Variants in ART3 observed in about 807,000 individuals in gnomAD.
The protein encoded by ART3 is ADP-ribosyltransferase 3 (inactive), also known as ecto-ADP-ribosyltransferase 3.
Under a neutral mutation model 48.5 loss-of-function variants are expected in ART3, and 49 were observed. That is an observed-to-expected ratio of 1.01 (90% confidence interval 0.80 to 1.28). The LOEUF (loss-of-function observed/expected upper bound fraction) is 1.28, where lower values mean the gene tolerates loss of function less well. ART3 is among the 50% of genes most tolerant of loss of function. The probability of loss-of-function intolerance (pLI) is 0.00; values close to 1 mark genes in which losing one functional copy is unlikely to be tolerated. For synonymous variants in ART3, 145 were observed against 157.2 expected (o/e 0.92, Z 0.58); for missense variants, 438 against 454.3 (o/e 0.96, Z 0.33).
chr4:76,033,123 G>A (rs1012310295), intron 1 of ART3, among the ~76,000 whole-genome samples: 5 of 152,094 alleles, frequency 3.3e-5, no homozygotes, highest in African/African-American at 1.2e-4. Context: ...TACATGCAGA[G>A]AAACCAACTC....
chr4:76,047,217 C>T (rs1394040439), intron 1 of ART3, among the ~76,000 whole-genome samples: 2 of 151,998 alleles, frequency 1.3e-5, no homozygotes, highest in Non-Finnish European at 2.9e-5. Context: ...GATTGGCCTG[C>T]TCCATTTTCT....
At chr4:76,061,801 C>A (rs1719240209) in intron 1 of ART3, among the ~76,000 whole-genome samples, 1 of 152,168 alleles carries the variant, frequency 6.6e-6, no homozygotes, top group African/African-American at 2.4e-5. Context: ...TTCCCTAACT[C>A]CTACTTCTTT....
intron 1 of ART3, among the ~76,000 whole-genome samples, chr4:76,040,708 A>G (rs1734901293): frequency 6.6e-6 from 1 of 152,096 alleles, no homozygotes; most frequent in Admixed American, 6.5e-5. Flanking sequence ...ATGTAGACAC[A>G]TCTTTGTCTG....
chr4:76,031,197 A>G (rs1733841740), intron 1 of ART3, among the ~76,000 whole-genome samples: 1 of 152,062 alleles, frequency 6.6e-6, no homozygotes, highest in Non-Finnish European at 1.5e-5. Context: ...GAATATTAGT[A>G]TTTTTTCATT....
intron 1 of ART3, among the ~76,000 whole-genome samples, chr4:76,032,939 A>G (rs1219612045): frequency 3.3e-5 from 5 of 151,940 alleles, no homozygotes; most frequent in African/African-American, 9.7e-5. Context: ...CCATCTCTAT[A>G]TAGATATTTA....
At chr4:76,031,518 A>G (rs761448854) in intron 1 of ART3, among the ~76,000 whole-genome samples, 5 of 152,202 alleles carry the variant, frequency 3.3e-5, no homozygotes, top group Non-Finnish European at 7.3e-5. Flanking sequence ...ATATTTTCCA[A>G]TGACTTTGAT....
chr4:76,038,240 A>G (rs954841412), intron 1 of ART3, among the ~76,000 whole-genome samples: 1 of 152,198 alleles, frequency 6.6e-6, no homozygotes. Flanking sequence ...CTTAACTTTT[A>G]TTACAGAATA....
upstream of ART3, among the ~76,000 whole-genome samples, chr4:76,071,237 C>T (rs1022271505): frequency 6.6e-6 from 1 of 151,976 alleles, no homozygotes; most frequent in Non-Finnish European, 1.5e-5. Flanking sequence ...ACTCTGGAAT[C>T]TGAGGCAGGA....
At chr4:76,032,581 CTTT>C (rs10547155) in intron 1 of ART3, among the ~76,000 whole-genome samples, 64,206 of 113,528 alleles carry the variant, frequency 0.57, 17,145 homozygotes, top group East Asian at 0.89. Context: ...AGATTCAAGT[CTTT>C]TTTTTTTTTT....
At chr4:76,051,298 G>A (rs1347994179) in intron 1 of ART3, among the ~76,000 whole-genome samples, 1 of 97,562 alleles carries the variant, frequency 1.0e-5, no homozygotes, top group Non-Finnish European at 2.1e-5. Flanking sequence ...AGCTGCCGGT[G>A]GATTTTTTTT....
chr4:76,040,527 C>T (rs1382984247), intron 1 of ART3, among the ~76,000 whole-genome samples: 3 of 88,046 alleles, frequency 3.4e-5, no homozygotes, highest in Admixed American at 1.5e-4. Context: ...TTCTCCCCCC[C>T]GCCCCCTCCA....
chr4:76,100,857 C>G, intron 7 of ART3, 33 bp downstream of exon 7: 1 of 1,608,340 alleles, frequency 6.2e-7, no homozygotes. Context: ...TGGGGGCTTA[C>G]ATTTTACAAG....
At chr4:76,032,915 T>C (rs916059639) in intron 1 of ART3, among the ~76,000 whole-genome samples, 4 of 152,038 alleles carry the variant, frequency 2.6e-5, no homozygotes. Flanking sequence ...ATCCAGGGAA[T>C]TTATATGGAA....
intron 1 of ART3, among the ~76,000 whole-genome samples, chr4:76,037,850 C>A (rs1051968589): frequency 8.6e-5 from 13 of 152,044 alleles, no homozygotes; most frequent in Middle Eastern, 3.4e-3. Flanking sequence ...TTGGTATAAT[C>A]GGGGAATTTA....
intron 10 of ART3, among the ~76,000 whole-genome samples, chr4:76,106,671 A>G (rs1023233577): frequency 6.6e-6 from 1 of 152,148 alleles, no homozygotes; most frequent in South Asian, 2.1e-4. Context: ...GTGCTTATTA[A>G]GGCCCACTGT....
At chr4:76,058,512 G>A (rs1349520680) in intron 1 of ART3, 1 of 152,160 alleles carries the variant, frequency 6.6e-6, no homozygotes, top group Non-Finnish European at 1.5e-5. Flanking sequence ...TACTGACTCA[G>A]TAAGCTTCAT....
intron 1 of ART3, among the ~76,000 whole-genome samples, chr4:76,054,275 G>A (rs975045936): frequency 1.3e-5 from 2 of 152,136 alleles, no homozygotes; most frequent in Admixed American, 6.5e-5. Flanking sequence ...TGTCTGCAAG[G>A]TATGAAGCTT....
At chr4:76,034,729 A>G in intron 1 of ART3, 1 of 1,186,560 alleles carries the variant, frequency 8.4e-7, no homozygotes, top group Non-Finnish European at 1.2e-6. Context: ...TTCAGTAGTC[A>G]CAGTTAAACT....
At chr4:76,026,374 T>C (rs1012052866) in intron 1 of ART3, among the ~76,000 whole-genome samples, 2 of 152,172 alleles carry the variant, frequency 1.3e-5, no homozygotes, top group Non-Finnish European at 2.9e-5. Context: ...AAAATGCATA[T>C]GAGAGGCATT....
Sources: gnomAD v4.1 joint callset for allele counts (sites outside exome capture counted in the v4.1 genomes callset) on GRCh38, gnomAD v4.1.1 for gene constraint, MANE v1.5 for transcripts, NCBI Gene and HGNC (gene_info 2026-07-23, HGNC 2026-07-21) for gene names.